SLC2A9: variants seen among roughly 807,000 people sequenced by gnomAD.
The protein encoded by SLC2A9 is solute carrier family 2, facilitated glucose transporter member 9.
SLC2A9 carries 39 observed loss-of-function variants against 50.6 expected under a neutral mutation model. The observed-to-expected ratio is 0.77, with a 90% CI of 0.60 to 1.01. The LOEUF (loss-of-function observed/expected upper bound fraction) is 1.01. SLC2A9 is among the 50% of genes least tolerant of loss of function. The pLI, the probability that SLC2A9 is intolerant of heterozygous loss-of-function variation, is 0.00. For synonymous variants in SLC2A9, 324 were observed against 276.9 expected (o/e 1.17, Z -1.69); for missense variants, 686 against 677.6 (o/e 1.01, Z -0.14).
At chr4:9,991,710 C>T (rs554570571) in intron 3 of SLC2A9, among the ~76,000 whole-genome samples, 28 of 152,210 alleles carry the variant, frequency 1.8e-4, no homozygotes, top group African/African-American at 6.5e-4. Flanking sequence ...GATTGGTGTC[C>T]TTGTAAGAAG....
chr4:9,978,142 T>C (rs941026956), intron 5 of SLC2A9, among the ~76,000 whole-genome samples: 5 of 152,150 alleles, frequency 3.3e-5, no homozygotes, highest in African/African-American at 7.2e-5. Flanking sequence ...CTTGCAACCA[T>C]TCCTGTTACT....
chr4:9,910,513 G>C (rs112469934), intron 7 of SLC2A9, among the ~76,000 whole-genome samples: 1,987 of 152,310 alleles, frequency 0.013, 23 homozygotes, highest in Middle Eastern at 0.044. Flanking sequence ...AATGGCCAAC[G>C]TTCTCTAGGG....
chr4:9,892,519 G>C (rs190802285), intron 8 of SLC2A9, among the ~76,000 whole-genome samples: 5 of 152,312 alleles, frequency 3.3e-5, no homozygotes, highest in Non-Finnish European at 2.9e-5. Context: ...TGGGCCATCT[G>C]AGCTGAATTC....
intron 5 of SLC2A9, among the ~76,000 whole-genome samples, chr4:9,966,747 T>C (rs886320659): frequency 1.9e-4 from 29 of 152,328 alleles, no homozygotes; most frequent in Middle Eastern, 3.4e-3. Flanking sequence ...CTAGTACAAT[T>C]ATTAAAACAT....
intron 2 of SLC2A9, among the ~76,000 whole-genome samples, chr4:9,997,821 C>A (rs186081089): frequency 2.7e-4 from 41 of 151,910 alleles, no homozygotes; most frequent in African/African-American, 7.2e-4. Context: ...AGATTAACAT[C>A]TTCTGCTCTT....
At chr4:9,996,595 C>CCTGT (rs1758714453) in intron 3 of SLC2A9, among the ~76,000 whole-genome samples, 186 bp downstream of exon 3, 1 of 131,382 alleles carries the variant, frequency 7.6e-6, no homozygotes, top group Non-Finnish European at 1.7e-5. Context: ...CATCAGCCTG[C>CCTGT]AGTCCATGGC....
chr4:9,806,300 C>T (rs6847882), intron 3 of SLC2A9, among the ~76,000 whole-genome samples: 1,789 of 152,344 alleles, frequency 0.012, 42 homozygotes, highest in African/African-American at 0.04. Context: ...CCGCTTAAGG[C>T]GTTCTTAAAC....
intron 6 of SLC2A9, among the ~76,000 whole-genome samples, chr4:9,931,317 T>G (rs1745862398): frequency 6.6e-6 from 1 of 152,170 alleles, no homozygotes. Context: ...GAAAGAGGAA[T>G]GAGAAATTGC....
At chr4:9,912,296 TA>T (rs546314794) in intron 7 of SLC2A9, among the ~76,000 whole-genome samples, 61 of 146,558 alleles carry the variant, frequency 4.2e-4, no homozygotes, top group East Asian at 7.9e-4. Flanking sequence ...ATAATAATAA[TA>T]AAAAAAAAAG....
intron 3 of SLC2A9, among the ~76,000 whole-genome samples, chr4:9,800,684 TAAC>T (rs1721278237): frequency 6.6e-6 from 1 of 152,176 alleles, no homozygotes; most frequent in Admixed American, 6.5e-5. Context: ...ACACTAAAAA[TAAC>T]AATACATCAA....
intron 10 of SLC2A9, among the ~76,000 whole-genome samples, chr4:9,855,532 C>G (rs1420951817): frequency 1.4e-5 from 2 of 145,650 alleles, no homozygotes; most frequent in Non-Finnish European, 3.0e-5. Context: ...TTAAAATGGT[C>G]ATAGTGCCCA....
intron 3 of SLC2A9, among the ~76,000 whole-genome samples, chr4:9,995,048 A>C (rs567996371): frequency 6.6e-6 from 1 of 152,070 alleles, no homozygotes; most frequent in African/African-American, 2.4e-5. Flanking sequence ...CCTAACTAAG[A>C]TCTGCTTGGC....
At chr4:9,904,887 C>T (rs1740340810) in intron 8 of SLC2A9, among the ~76,000 whole-genome samples, 1 of 152,184 alleles carries the variant, frequency 6.6e-6, no homozygotes, top group African/African-American at 2.4e-5. Flanking sequence ...GACTATTCTG[C>T]ATCCATCCTT....
chr4:9,952,614 T>A (rs4627861), intron 5 of SLC2A9, among the ~76,000 whole-genome samples: 1 of 151,268 alleles, frequency 6.6e-6, no homozygotes, highest in African/African-American at 2.4e-5. Context: ...GCTCACTGCA[T>A]CCCCAACCTC....
At chr4:9,942,323 C>T (rs1466433014) in intron 5 of SLC2A9, among the ~76,000 whole-genome samples, 5 of 152,184 alleles carry the variant, frequency 3.3e-5, no homozygotes, top group Admixed American at 3.3e-4. Context: ...TGGCCAAGGC[C>T]ACTCAAGGGC....
chr4:9,790,820 C>G (rs1236408204), intron 3 of SLC2A9, among the ~76,000 whole-genome samples: 1 of 152,184 alleles, frequency 6.6e-6, no homozygotes, highest in Non-Finnish European at 1.5e-5. Flanking sequence ...TCGAAAAACA[C>G]CATTGGTCTT....
At chr4:9,813,593 C>A (rs977708129) in intron 3 of SLC2A9, among the ~76,000 whole-genome samples, 3 of 152,198 alleles carry the variant, frequency 2.0e-5, no homozygotes, top group African/African-American at 7.2e-5. Flanking sequence ...AAAAGTGGAA[C>A]CCTAAGAAAA....
At chr4:9,926,562 A>G (rs1337829907) in intron 6 of SLC2A9, among the ~76,000 whole-genome samples, 1 of 151,700 alleles carries the variant, frequency 6.6e-6, no homozygotes, top group African/African-American at 2.4e-5. Flanking sequence ...ATGAATATAC[A>G]TGCTATCACT....
intron 5 of SLC2A9, among the ~76,000 whole-genome samples, chr4:9,978,384 A>G (rs1755157533): frequency 6.6e-6 from 1 of 152,260 alleles, no homozygotes; most frequent in Non-Finnish European, 1.5e-5. Context: ...ATTTATAAAC[A>G]AAGTGGAATT....
Sources: allele counts gnomAD v4.1 joint callset (sites outside exome capture counted in the v4.1 genomes callset), GRCh38; gene constraint gnomAD v4.1.1; transcripts MANE v1.5; gene names NCBI Gene and HGNC (gene_info 2026-07-23, HGNC 2026-07-21).